Variants in ROBO1 observed in about 807,000 individuals in gnomAD.
ROBO1 encodes the protein roundabout guidance receptor 1.
Under a neutral mutation model 195.9 loss-of-function variants are expected in ROBO1, and 149 were observed. That is an observed-to-expected ratio of 0.76 (90% confidence interval 0.67 to 0.87). The LOEUF (loss-of-function observed/expected upper bound fraction) is 0.87, where lower values mean the gene tolerates loss of function less well. Ranked by LOEUF, ROBO1 falls within the 40% of genes least tolerant of loss-of-function variation. The probability of loss-of-function intolerance (pLI) is 0.00; values close to 1 mark genes in which losing one functional copy is unlikely to be tolerated. For missense variants in ROBO1, 1,933 were observed against 2,068.3 expected (o/e 0.93, Z 1.27); for synonymous variants, 816 against 733.2 (o/e 1.11, Z -1.82).
At chr3:78,644,030 G>A (rs1478091363) in intron 21 of ROBO1, among the ~76,000 whole-genome samples, 1 of 152,018 alleles carries the variant, frequency 6.6e-6, no homozygotes, top group Non-Finnish European at 1.5e-5. Flanking sequence ...AAACACATGA[G>A]GGAAACCAGT....
chr3:79,295,244 T>C (rs779342255), intron 2 of ROBO1, among the ~76,000 whole-genome samples: 8 of 152,198 alleles, frequency 5.3e-5, no homozygotes, highest in Non-Finnish European at 1.2e-4. Context: ...GTGGCATATA[T>C]ATGCCACGGA....
intron 2 of ROBO1, among the ~76,000 whole-genome samples, chr3:79,233,126 A>C (rs188927363): frequency 6.6e-6 from 1 of 152,244 alleles, no homozygotes; most frequent in African/African-American, 2.4e-5. Context: ...TATATTTCTT[A>C]TAATAAAAAA....
chr3:79,165,490 C>T (rs2081048516), intron 2 of ROBO1, among the ~76,000 whole-genome samples: 1 of 152,144 alleles, frequency 6.6e-6, no homozygotes, highest in Admixed American at 6.5e-5. Context: ...AGATTGTCTA[C>T]AAAGTCTTTT....
chr3:79,398,275 C>T (rs1362144575), intron 2 of ROBO1, among the ~76,000 whole-genome samples: 1 of 151,918 alleles, frequency 6.6e-6, no homozygotes, highest in African/African-American at 2.4e-5. Context: ...TATATACATA[C>T]TAATATGTTC....
chr3:79,500,444 T>G (rs941325756), intron 2 of ROBO1, among the ~76,000 whole-genome samples: 1 of 152,212 alleles, frequency 6.6e-6, no homozygotes, highest in African/African-American at 2.4e-5. Context: ...CCGCAAGTTT[T>G]AATTTGTCCT....
intron 4 of ROBO1, among the ~76,000 whole-genome samples, chr3:78,934,033 A>T (rs1240473205): frequency 6.6e-6 from 1 of 152,042 alleles, no homozygotes; most frequent in South Asian, 2.1e-4. Context: ...TGTATCTTCA[A>T]ATTCAAAATA....
At chr3:79,077,825 C>T (rs896871467) in intron 3 of ROBO1, among the ~76,000 whole-genome samples, 5 of 151,770 alleles carry the variant, frequency 3.3e-5, no homozygotes, top group Non-Finnish European at 7.4e-5. Flanking sequence ...TTCCATAGTC[C>T]TAAAATTTTT....
chr3:79,074,708 G>C (rs1218507514), intron 3 of ROBO1, among the ~76,000 whole-genome samples: 2 of 151,690 alleles, frequency 1.3e-5, no homozygotes, highest in East Asian at 3.9e-4. Context: ...GGATTACAGG[G>C]ATGGGCCATT....
intron 2 of ROBO1, among the ~76,000 whole-genome samples, chr3:79,375,247 A>C (rs1009854859): frequency 6.6e-6 from 1 of 152,140 alleles, no homozygotes; most frequent in African/African-American, 2.4e-5. Flanking sequence ...GCAACTCAAT[A>C]GTTAGATGAG....
At chr3:78,972,372 A>G (rs115553855) in intron 3 of ROBO1, among the ~76,000 whole-genome samples, 2,712 of 152,276 alleles carry the variant, frequency 0.018, 76 homozygotes, top group African/African-American at 0.06. Context: ...TTTCACAAAC[A>G]TGAAAAATGG....
intron 3 of ROBO1, among the ~76,000 whole-genome samples, chr3:78,998,913 A>T (rs1389818503): frequency 6.6e-6 from 1 of 152,062 alleles, no homozygotes. Flanking sequence ...TCTACTTAAC[A>T]CAGAATATCT....
Position 78,920,690 on chromosome 3 carries a change from A to G in ROBO1, c.499+17911T>C, listed in dbSNP as rs562546618. 4.5e-5 allele frequency among the ~76,000 whole-genome samples: 6 copies of G among 132,364 alleles called. No homozygotes were observed. The South Asian group carries it at 1.4e-3, about 32-fold the overall frequency. 86.8% of individuals were successfully genotyped at this position (132,364 alleles called of 152,430 possible). On this transcript the variant is annotated intron_variant, in intron 4 of 30. Transcript: ENST00000464233. ...TACTCTGTTACCCAGGCTGGAGTGCAATGACACAAACACAGCTCACTGCAG... is the reference window on the plus strand; with the variant it reads ...TACTCTGTTACCCAGGCTGGAGTGCGATGACACAAACACAGCTCACTGCAG...
intron 3 of ROBO1, among the ~76,000 whole-genome samples, chr3:79,051,614 T>G (rs994004889): frequency 2.0e-5 from 3 of 152,098 alleles, no homozygotes; most frequent in Non-Finnish European, 4.4e-5. Context: ...AAAAAGAGAA[T>G]TTTAGGCCAA....
chr3:79,062,083 A>T (rs577396260), intron 3 of ROBO1, among the ~76,000 whole-genome samples: 4 of 152,102 alleles, frequency 2.6e-5, no homozygotes, highest in Non-Finnish European at 1.5e-5. Flanking sequence ...ATGGGAAAAA[A>T]TTTTTGCAAT....
In ROBO1 at chr3:79,663,299, G is replaced by GA. The variant is rs557840487; in HGVS notation, c.-50-73339dup. On this transcript the variant is annotated intron_variant, in intron 1 of 30. Transcript: ENST00000464233. Reference sequence around the variant, plus strand: ...CACAAAAAAATGCAATGGTATAATGGAAAAAAAACTCAAAGTTATTTATTG... The same window carrying GA: ...CACAAAAAAATGCAATGGTATAATGGAAAAAAAAACTCAAAGTTATTTATTG... 6.6e-5 allele frequency among the ~76,000 whole-genome samples: 10 copies of GA among 151,560 alleles called. 1 individual carries two copies. Among genetic ancestry groups the GA allele is most frequent in the African/African-American group, 2.2e-4 (9 of 41,288 alleles).
intron 2 of ROBO1, among the ~76,000 whole-genome samples, chr3:79,578,164 A>T (rs965197426): frequency 6.6e-6 from 1 of 152,220 alleles, no homozygotes; most frequent in Non-Finnish European, 1.5e-5. Context: ...TCTCAGAAAG[A>T]TATAGAGCAA....
intron 2 of ROBO1, among the ~76,000 whole-genome samples, chr3:79,211,415 GCACTAATCAAAA>G: frequency 6.6e-6 from 1 of 152,054 alleles, no homozygotes; most frequent in Admixed American, 6.6e-5. Context: ...CCATAGGTAA[GCACTAATCAAAA>G]CTTCTTTTCC....
intron 2 of ROBO1, among the ~76,000 whole-genome samples, chr3:79,151,788 T>C (rs1353895086): frequency 6.6e-6 from 1 of 151,814 alleles, no homozygotes; most frequent in African/African-American, 2.4e-5. Flanking sequence ...CATCCTTGTC[T>C]CTGCAAATAG....
intron 1 of ROBO1, among the ~76,000 whole-genome samples, chr3:79,744,516 A>G (rs1703787688): frequency 6.6e-6 from 1 of 152,164 alleles, no homozygotes; most frequent in Admixed American, 6.5e-5. Context: ...TAGCGACTTC[A>G]TAAGAACAGG....
Sources: gnomAD v4.1 joint callset for allele counts (sites outside exome capture counted in the v4.1 genomes callset) on GRCh38, gnomAD v4.1.1 for gene constraint, MANE v1.5 for transcripts, NCBI Gene and HGNC (gene_info 2026-07-23, HGNC 2026-07-21) for gene names.